CNTNAP5: variants seen among roughly 807,000 people sequenced by gnomAD.
The protein encoded by CNTNAP5 is contactin-associated protein-like 5.
In CNTNAP5, 72 loss-of-function variants were observed where a neutral mutation model predicts 150.2. That is an observed-to-expected ratio of 0.48 (90% CI 0.40 to 0.58). CNTNAP5 has a LOEUF of 0.58. CNTNAP5 is among the 20% of genes least tolerant of loss of function. CNTNAP5 has a pLI of 0.00. For missense variants in CNTNAP5, 1,636 were observed against 1,626.2 expected (o/e 1.01, Z -0.10); for synonymous variants, 672 against 619.8 (o/e 1.08, Z -1.25).
chr2:124,619,543 T>C (rs1414683029), intron 12 of CNTNAP5, among the ~76,000 whole-genome samples: 1 of 152,074 alleles, frequency 6.6e-6, no homozygotes, highest in Non-Finnish European at 1.5e-5. Context: ...CATACTGTCC[T>C]GAATGTTTCC....
intron 1 of CNTNAP5, among the ~76,000 whole-genome samples, chr2:124,098,227 A>G (rs920483939): frequency 6.6e-6 from 1 of 152,344 alleles, no homozygotes; most frequent in East Asian, 1.9e-4. Flanking sequence ...GATACTAAGG[A>G]AATCAAAAGG....
intron 8 of CNTNAP5, among the ~76,000 whole-genome samples, chr2:124,510,130 C>T (rs1573423597): frequency 1.3e-5 from 2 of 151,542 alleles, no homozygotes; most frequent in Admixed American, 1.3e-4. Context: ...ATCACTTGAA[C>T]CCAGGAGGCA....
chr2:124,192,194 G>T (rs566258262), intron 1 of CNTNAP5, among the ~76,000 whole-genome samples: 2 of 152,140 alleles, frequency 1.3e-5, no homozygotes, highest in Non-Finnish European at 2.9e-5. Context: ...TGGTGTCTGT[G>T]GGGCTCCGTC....
At chr2:124,655,164 G>A (rs1203613089) in intron 13 of CNTNAP5, among the ~76,000 whole-genome samples, 1 of 151,940 alleles carries the variant, frequency 6.6e-6, no homozygotes, top group African/African-American at 2.4e-5. Flanking sequence ...CCTCTGATGA[G>A]CCCCAGTGTG....
chr2:124,656,079 A>G (rs574351444), intron 13 of CNTNAP5, among the ~76,000 whole-genome samples: 1,913 of 151,836 alleles, frequency 0.013, 51 homozygotes, highest in African/African-American at 0.044. Flanking sequence ...AAAAAAAAGA[A>G]AAAGTCACTG....
At chr2:124,671,134 A>G (rs1678815327) in intron 13 of CNTNAP5, among the ~76,000 whole-genome samples, 2 of 152,254 alleles carry the variant, frequency 1.3e-5, no homozygotes, top group South Asian at 4.1e-4. Flanking sequence ...CCTTGACCTC[A>G]ACTGTTACTT....
intron 19 of CNTNAP5, among the ~76,000 whole-genome samples, chr2:124,833,881 G>A (rs1024208658): frequency 1.3e-5 from 2 of 151,946 alleles, no homozygotes; most frequent in Non-Finnish European, 2.9e-5. Flanking sequence ...TGGGGGGCAT[G>A]TGCCCTGTCC....
intron 13 of CNTNAP5, among the ~76,000 whole-genome samples, chr2:124,673,810 G>A (rs1447827940): frequency 1.3e-5 from 2 of 148,812 alleles, no homozygotes; most frequent in East Asian, 3.9e-4. Context: ...TGACTCCAAT[G>A]CCCTCAAATA....
intron 13 of CNTNAP5, among the ~76,000 whole-genome samples, chr2:124,655,991 GAAAGAAAA>G (rs1678444769): frequency 1.5e-4 from 19 of 127,260 alleles, no homozygotes; most frequent in East Asian, 2.4e-4. Flanking sequence ...AAGAAAGAAA[GAAAGAAAA>G]AAGGAAGGAA....
intron 3 of CNTNAP5, among the ~76,000 whole-genome samples, chr2:124,319,654 T>C (rs1160591778): frequency 1.3e-5 from 2 of 152,202 alleles, no homozygotes; most frequent in Non-Finnish European, 2.9e-5. Context: ...CTCAGCATGG[T>C]TGACATTTTG....
At chr2:124,160,764 T>G (rs1202766284) in intron 1 of CNTNAP5, among the ~76,000 whole-genome samples, 1 of 152,206 alleles carries the variant, frequency 6.6e-6, no homozygotes, top group African/African-American at 2.4e-5. Flanking sequence ...GCAAACCCTG[T>G]GTTAAATTTT....
At chr2:124,807,815 C>T (rs72847371) in intron 19 of CNTNAP5, among the ~76,000 whole-genome samples, 16,875 of 152,162 alleles carry the variant, frequency 0.11, 1,192 homozygotes, top group Non-Finnish European at 0.16. Context: ...CCCACCACCA[C>T]GTCTTGCTTG....
chr2:124,268,848 T>C (rs1379946926), intron 3 of CNTNAP5, among the ~76,000 whole-genome samples: 1 of 152,132 alleles, frequency 6.6e-6, no homozygotes, highest in African/African-American at 2.4e-5. Flanking sequence ...TTAGAGCCCT[T>C]TGGTCAGGAA....
chr2:124,818,068 A>G (rs1017092468), intron 19 of CNTNAP5, among the ~76,000 whole-genome samples: 12 of 152,200 alleles, frequency 7.9e-5, no homozygotes, highest in Admixed American at 2.0e-4. Context: ...CACTGGCTGC[A>G]GATATAGCTA....
intron 1 of CNTNAP5, among the ~76,000 whole-genome samples, chr2:124,068,883 G>A (rs4473382): frequency 0.4 from 61,136 of 151,640 alleles, 12,661 homozygotes; most frequent in Admixed American, 0.45. Flanking sequence ...TGGTCCTGGA[G>A]GGATTCATCA....
intron 19 of CNTNAP5, among the ~76,000 whole-genome samples, chr2:124,819,930 A>G (rs1213060290): frequency 6.6e-6 from 1 of 152,116 alleles, no homozygotes; most frequent in East Asian, 1.9e-4. Flanking sequence ...GCTCTGCCTT[A>G]CTTCCTGTTG....
chr2:124,614,211 G>GT (rs563721351), intron 12 of CNTNAP5, among the ~76,000 whole-genome samples: 311 of 152,186 alleles, frequency 2.0e-3, no homozygotes, highest in African/African-American at 7.2e-3. Flanking sequence ...CATAACACTG[G>GT]TTTTATTTCA....
chr2:124,200,682 T>C (rs1685708214), intron 1 of CNTNAP5, among the ~76,000 whole-genome samples: 1 of 152,222 alleles, frequency 6.6e-6, no homozygotes, highest in African/African-American at 2.4e-5. Context: ...AAATGATAAC[T>C]CCTAATTCTC....
chr2:124,372,125 C>T (rs755804531), intron 3 of CNTNAP5, among the ~76,000 whole-genome samples: 6 of 152,084 alleles, frequency 3.9e-5, no homozygotes, highest in South Asian at 2.1e-4. Flanking sequence ...AGTTTTGCAG[C>T]GCTTCCTCTC....
Sources: allele counts gnomAD v4.1 joint callset (sites outside exome capture counted in the v4.1 genomes callset), GRCh38; gene constraint gnomAD v4.1.1; transcripts MANE v1.5; gene names NCBI Gene and HGNC (gene_info 2026-07-23, HGNC 2026-07-21).